Variants in ADGRD2 observed in about 807,000 individuals in gnomAD.
The protein encoded by ADGRD2 is adhesion G protein-coupled receptor D2, also known as G protein-coupled receptor PGR24.
Under a neutral mutation model 44.4 loss-of-function variants are expected in ADGRD2, and 71 were observed. The observed-to-expected ratio is 1.60, with a 90% confidence interval of 1.32 to 1.95. The LOEUF is 1.95. Among genes scored for constraint, ADGRD2 ranks in the 30% most tolerant of loss-of-function variants. The pLI, the probability that ADGRD2 is intolerant of heterozygous loss-of-function variation, is 0.00. For synonymous variants in ADGRD2, 481 were observed against 224.8 expected (o/e 2.14, Z -10.19); for missense variants, 1,039 against 512.4 (o/e 2.03, Z -9.92).
chr9:124,454,776 A>C lies in ADGRD2; in HGVS notation c.1109-67A>C, dbSNP rs1382369246. Reference sequence around the variant, plus strand: ...ACCAAGAAGACCCTGGCAAAGCCCAAGTGTGGCCCTTGGGGGGATCCCCTC... The same window carrying C: ...ACCAAGAAGACCCTGGCAAAGCCCACGTGTGGCCCTTGGGGGGATCCCCTC... On this transcript the variant is annotated intron_variant, in intron 5 of 21. Transcript: ENST00000334810. This position sits in a 1 kb window ranked among gnomAD's most constrained non-coding sequence, Gnocchi z 4.5. 3.2e-6 allele frequency: 2 copies of C among 623,448 alleles called. No homozygotes were observed. The highest frequency in any genetic ancestry group is 5.5e-5 in the East Asian group (2 of 36,398). The allele number at this position is 623,448 out of a possible 1,614,324, so 38.6% of individuals were successfully genotyped here.
intron 17 of ADGRD2, among the ~76,000 whole-genome samples, chr9:124,474,589 A>T (rs1832010990): frequency 6.6e-6 from 1 of 152,118 alleles, no homozygotes; most frequent in Non-Finnish European, 1.5e-5. Context: ...CAGCCCTGGG[A>T]GGCTGGAAGG....
At chr9:124,476,089 G>A (rs1324847426) in intron 19 of ADGRD2, among the ~76,000 whole-genome samples, 1 of 152,172 alleles carries the variant, frequency 6.6e-6, no homozygotes, top group Non-Finnish European at 1.5e-5. Flanking sequence ...CCTGCAGATG[G>A]TGAGTAAATG....
At chr9:124,476,895 C>T (rs1233198236) in intron 21 of ADGRD2, 186 bp downstream of exon 24, 2 of 703,504 alleles carry the variant, frequency 2.8e-6, no homozygotes, top group South Asian at 1.5e-5. Flanking sequence ...AGGCAGTACC[C>T]CTTGGGAGGA....
intron 19 of ADGRD2, among the ~76,000 whole-genome samples, chr9:124,475,816 C>A (rs186070180): frequency 6.6e-6 from 1 of 152,178 alleles, no homozygotes; most frequent in Non-Finnish European, 1.5e-5. Context: ...CAGAGGTACT[C>A]GCAGCACCCA....
chr9:124,478,042 C>T (rs2131265523), intron 21 of ADGRD2, among the ~76,000 whole-genome samples: 1 of 152,284 alleles, frequency 6.6e-6, no homozygotes, highest in South Asian at 2.1e-4. Flanking sequence ...GCGGCCCGAG[C>T]TGGAAGCGCG....
chr9:124,475,842 C>T (rs1832041065), intron 19 of ADGRD2, among the ~76,000 whole-genome samples: 2 of 152,156 alleles, frequency 1.3e-5, no homozygotes, highest in African/African-American at 4.8e-5. Context: ...GAGTGCCGCC[C>T]AGTGCCTCAG....
Position 124,454,029 on chromosome 9 carries a change from C to T in ADGRD2, c.956C>T (p.Pro319Leu), listed in dbSNP as rs1425981730. The T allele has an allele frequency of 4.2e-6, 3 of 712,600 alleles. No individual in the cohort carries two copies. Among genetic ancestry groups the T allele is most frequent in the Admixed American group, 4.1e-5 (2 of 49,236 alleles). The allele number at this position is 712,600 out of a possible 1,614,324, so 44.1% of individuals were successfully genotyped here. A position where few individuals can be genotyped will look rare whatever the true frequency, so the allele number is the denominator to read the frequency against. The change falls in exon 4 of 22, where the codon CCG becomes CTG. Residue 319 changes from proline (P) to leucine (L), a missense_variant. Pro to Leu is a moderately conservative substitution (Grantham distance 98). Coordinates refer to ENST00000334810, the Ensembl canonical transcript of ADGRD2. This position sits in a 1 kb window ranked among gnomAD's most constrained non-coding sequence, Gnocchi z 4.5. Reference sequence around the variant, plus strand: ...TCCGAGGAGTGCCCTACGTGGAACCCGGGACCTCGCAGTGAGGGCTCTGAG... The same window carrying T: ...TCCGAGGAGTGCCCTACGTGGAACCTGGGACCTCGCAGTGAGGGCTCTGAG...
intron 10 of ADGRD2, among the ~76,000 whole-genome samples, chr9:124,459,582 A>G (rs1324068345): frequency 6.6e-6 from 1 of 152,160 alleles, no homozygotes; most frequent in African/African-American, 2.4e-5. Context: ...CCATGGGTGG[A>G]AAATATTCAG....
upstream of ADGRD2, among the ~76,000 whole-genome samples, chr9:124,450,635 CG>C (rs939204120): frequency 6.6e-6 from 1 of 152,224 alleles, no homozygotes; most frequent in African/African-American, 2.4e-5. Flanking sequence ...ATCTCCCTCT[CG>C]GGCCTCAACG....
At position 124,454,398 on chromosome 9, in the gene ADGRD2, C is replaced by T. The variant is rs541481094; in HGVS notation, c.1023-86C>T. On this transcript the variant is annotated intron_variant, in intron 4 of 21. Transcript: ENST00000334810. The surrounding 1 kb of genome is among the most constrained non-coding windows in gnomAD (Gnocchi z 4.5). ...GGTGCTCTTCCTTCCCTGGGCAGCACGTGGTGGGTGGAGGTCACTGAACAG... is the reference window on the plus strand; with the variant it reads ...GGTGCTCTTCCTTCCCTGGGCAGCATGTGGTGGGTGGAGGTCACTGAACAG... The T allele has an allele frequency of 1.8e-5, 12 of 663,894 alleles. No homozygotes were observed. The East Asian group carries it at 2.5e-4, about 14-fold the overall frequency. 41.1% of individuals were successfully genotyped at this position (663,894 alleles called of 1,614,324 possible).
At chr9:124,452,216 C>A in intron 1 of ADGRD2, 62 bp downstream of exon 4, 1 of 669,572 alleles carries the variant, frequency 1.5e-6, no homozygotes. Flanking sequence ...GTCTGTGATC[C>A]AAGGGGTGCA....
At chr9:124,477,272 G>C (rs1832067310) in intron 21 of ADGRD2, among the ~76,000 whole-genome samples, 1 of 152,216 alleles carries the variant, frequency 6.6e-6, no homozygotes, top group African/African-American at 2.4e-5. Context: ...GAGGACTGAA[G>C]CCTGGGGAGC....
intron 17 of ADGRD2, among the ~76,000 whole-genome samples, chr9:124,472,760 G>A (rs756954498): frequency 2.6e-4 from 40 of 152,018 alleles, no homozygotes; most frequent in Non-Finnish European, 4.6e-4. Context: ...CTCCCGCCTC[G>A]GCCTCCCAAA....
chr9:124,467,909 A>C, intron 12 of ADGRD2, 85 bp downstream of exon 15: 1 of 708,564 alleles, frequency 1.4e-6, no homozygotes. Flanking sequence ...TCGGGTGTCC[A>C]TCCTTGGTCC....
At chr9:124,470,552 G>C in exon 17 of ADGRD2, 1 of 710,558 alleles carries the variant, frequency 1.4e-6, no homozygotes, top group Non-Finnish European at 2.6e-6. Flanking sequence ...CTGGCTGGCA[G>C]GCATCCTGGT....
At chr9:124,474,522 A>C (rs1392680676) in intron 17 of ADGRD2, among the ~76,000 whole-genome samples, 1 of 152,126 alleles carries the variant, frequency 6.6e-6, no homozygotes, top group Non-Finnish European at 1.5e-5. Context: ...TGGTGGTATC[A>C]TCTCAGTTGG....
At chr9:124,477,147 T>C (rs1387241691) in intron 21 of ADGRD2, 1 of 445,846 alleles carries the variant, frequency 2.2e-6, no homozygotes, top group Non-Finnish European at 4.6e-6. Flanking sequence ...GAGAAGTGCT[T>C]TCCTCCAAGG....
exon 11 of ADGRD2, chr9:124,466,379 G>A: frequency 1.4e-6 from 1 of 717,070 alleles, no homozygotes; most frequent in South Asian, 1.5e-5. Context: ...CACAGCACCA[G>A]CTTTGCCATC....
intron 10 of ADGRD2, among the ~76,000 whole-genome samples, chr9:124,463,079 T>G (rs1389707968): frequency 6.6e-6 from 1 of 152,162 alleles, no homozygotes; most frequent in Non-Finnish European, 1.5e-5. Flanking sequence ...GTCTCATTCT[T>G]TGTCTTAGAA....
Sources: gnomAD v4.1 joint callset for allele counts (sites outside exome capture counted in the v4.1 genomes callset) on GRCh38, gnomAD v4.1.1 for gene constraint, Gnocchi (gnomAD v3.1) non-coding constraint, MANE v1.5 for transcripts, NCBI Gene and HGNC (gene_info 2026-07-23, HGNC 2026-07-21) for gene names.